The following GNG12 variants were observed in gnomAD, a reference collection of about 807,000 sequenced individuals.
GNG12 encodes the protein G protein subunit gamma 12.
For missense variants in GNG12, 69 were observed against 83.8 expected (o/e 0.82, Z 0.69); for synonymous variants, 28 against 29.7 (o/e 0.94, Z 0.19).
At chr1:67,792,630 T>C (rs1048249933) in intron 1 of GNG12, among the ~76,000 whole-genome samples, 2 of 152,210 alleles carry the variant, frequency 1.3e-5, no homozygotes, top group Non-Finnish European at 1.5e-5. Context: ...AATAAAGACA[T>C]TGTCTGCCTT....
intron 2 of GNG12, among the ~76,000 whole-genome samples, chr1:67,741,921 T>A (rs539486262): frequency 6.6e-6 from 1 of 152,348 alleles, no homozygotes; most frequent in Admixed American, 6.5e-5. Context: ...GAGTAGCAGA[T>A]GCACTTGGAT....
intron 2 of GNG12, among the ~76,000 whole-genome samples, chr1:67,710,325 C>T (rs1235586302): frequency 1.4e-5 from 2 of 147,456 alleles, no homozygotes; most frequent in South Asian, 2.1e-4. Flanking sequence ...CCCCAGAATG[C>T]GAACATGACA....
chr1:67,725,970 T>C (rs1432861008), intron 2 of GNG12, among the ~76,000 whole-genome samples: 2 of 152,222 alleles, frequency 1.3e-5, no homozygotes, highest in African/African-American at 4.8e-5. Flanking sequence ...TAAATACTCA[T>C]GTTACTATAA....
At chr1:67,773,756 G>A (rs775438440) in intron 2 of GNG12, among the ~76,000 whole-genome samples, 1 of 152,168 alleles carries the variant, frequency 6.6e-6, no homozygotes, top group Non-Finnish European at 1.5e-5. Context: ...TTAGAACAGG[G>A]ATGGTAAGTA....
At chr1:67,816,861 G>A (rs1179869389) in intron 1 of GNG12, among the ~76,000 whole-genome samples, 1 of 152,120 alleles carries the variant, frequency 6.6e-6, no homozygotes, top group East Asian at 1.9e-4. Flanking sequence ...CCCTCTGCTA[G>A]CCCATGACCT....
intron 1 of GNG12, among the ~76,000 whole-genome samples, chr1:67,782,003 A>G (rs1297677562): frequency 6.6e-6 from 1 of 152,174 alleles, no homozygotes; most frequent in South Asian, 2.1e-4. Context: ...CAGTTGTATG[A>G]GCCACATTTC....
At chr1:67,710,301 G>A (rs1182715230) in intron 2 of GNG12, among the ~76,000 whole-genome samples, 1 of 144,172 alleles carries the variant, frequency 6.9e-6, no homozygotes, top group African/African-American at 2.6e-5. Flanking sequence ...TCCAACTGGC[G>A]CTGGTTCTGA....
chr1:67,810,005 G>A (rs1311470437), intron 1 of GNG12, among the ~76,000 whole-genome samples: 2 of 152,122 alleles, frequency 1.3e-5, no homozygotes, highest in African/African-American at 2.4e-5. Flanking sequence ...GCCAAAACTC[G>A]AAAGAAACCA....
At chr1:67,770,277 T>C (rs1265886048) in intron 2 of GNG12, among the ~76,000 whole-genome samples, 1 of 152,050 alleles carries the variant, frequency 6.6e-6, no homozygotes. Context: ...GTTTCCAAGG[T>C]GGGTGGAATG....
At chr1:67,756,631 CAT>C (rs1310612027) in intron 2 of GNG12, among the ~76,000 whole-genome samples, 1 of 152,140 alleles carries the variant, frequency 6.6e-6, no homozygotes, top group Non-Finnish European at 1.5e-5. Flanking sequence ...CGTGTGTGTG[CAT>C]ATGTGTGTGA....
intron 1 of GNG12, among the ~76,000 whole-genome samples, chr1:67,782,324 T>A (rs972612963): frequency 2.0e-5 from 3 of 152,196 alleles, no homozygotes; most frequent in African/African-American, 7.2e-5. Context: ...ATTCTTGAGC[T>A]CCAAAGGTTA....
At chr1:67,802,069 T>C (rs1448249366) in intron 1 of GNG12, among the ~76,000 whole-genome samples, 2 of 152,114 alleles carry the variant, frequency 1.3e-5, no homozygotes, top group South Asian at 2.1e-4. Context: ...AGCAAATCTA[T>C]AAGCCCTGCT....
In GNG12 at chr1:67,766,423, G is replaced by A. The variant is rs146288420; in HGVS notation, c.-27+11035C>T. On this transcript the variant is annotated intron_variant, in intron 2 of 3. Coordinates refer to ENST00000370982, the MANE Select transcript of GNG12 (RefSeq NM_018841.6). ...GCTTCTTCTCAATACATTTCACTTC[G>A]GCTGATGAGCAAAGCAGCCCAGCCC... is the stretch of plus-strand genomic sequence containing the variant. 3.9e-3 allele frequency among the ~76,000 whole-genome samples: 590 copies of A among 152,038 alleles called. 7 individuals carry two copies. The highest frequency in any genetic ancestry group is 4.4e-3 in the Non-Finnish European group (300 of 67,992).
chr1:67,799,857 C>T (rs1046807707), intron 1 of GNG12, among the ~76,000 whole-genome samples: 1 of 152,114 alleles, frequency 6.6e-6, no homozygotes, highest in Non-Finnish European at 1.5e-5. Context: ...TTTCAATTCT[C>T]TTTGCACACC....
At chr1:67,788,508 AT>A (rs1025504306) in intron 1 of GNG12, among the ~76,000 whole-genome samples, 266 of 140,504 alleles carry the variant, frequency 1.9e-3, no homozygotes, top group Admixed American at 1.7e-3. Context: ...TAGTTTTTGT[AT>A]TTTTTTTTTT....
At chr1:67,711,649 G>A (rs778547601) in intron 2 of GNG12, among the ~76,000 whole-genome samples, 2 of 152,138 alleles carry the variant, frequency 1.3e-5, no homozygotes, top group Non-Finnish European at 2.9e-5. Context: ...TTTCCCAGTT[G>A]ATAAGATTTC....
At chr1:67,783,793 G>C (rs368498769) in intron 1 of GNG12, among the ~76,000 whole-genome samples, 103 of 151,988 alleles carry the variant, frequency 6.8e-4, no homozygotes, top group Non-Finnish European at 1.1e-3. Flanking sequence ...TTAGAATGGC[G>C]ATCATTAAAA....
At chr1:67,769,184 T>A (rs1265342689) in intron 2 of GNG12, among the ~76,000 whole-genome samples, 1 of 152,198 alleles carries the variant, frequency 6.6e-6, no homozygotes, top group African/African-American at 2.4e-5. Context: ...GACCCAAGCA[T>A]CTTCCCAGCA....
At chr1:67,741,310 A>G (rs765789941) in intron 2 of GNG12, among the ~76,000 whole-genome samples, 3 of 152,220 alleles carry the variant, frequency 2.0e-5, no homozygotes, top group African/African-American at 4.8e-5. Flanking sequence ...CCTGGACTTC[A>G]TGGCCACCGC....
Sources: gnomAD v4.1 joint callset for allele counts (sites outside exome capture counted in the v4.1 genomes callset) on GRCh38, gnomAD v4.1.1 for gene constraint, MANE v1.5 for transcripts, NCBI Gene and HGNC (gene_info 2026-07-23, HGNC 2026-07-21) for gene names.